AMBRA1: variants seen among roughly 807,000 people sequenced by gnomAD.
AMBRA1 encodes the protein activating molecule in BECN1-regulated autophagy protein 1.
AMBRA1 carries 47 observed loss-of-function variants against 125.4 expected under a neutral mutation model. The ratio of observed to expected loss-of-function variants is 0.37; its 90% CI spans 0.30 to 0.48. The LOEUF is 0.48. Ranked by LOEUF, AMBRA1 falls within the 20% of genes least tolerant of loss-of-function variation. The pLI, the probability that AMBRA1 is intolerant of heterozygous loss-of-function variation, is 0.99. For synonymous variants in AMBRA1, 626 were observed against 655.5 expected (o/e 0.95, Z 0.69); for missense variants, 1,331 against 1,693.4 (o/e 0.79, Z 3.76).
chr11:46,403,161 A>G (rs1027678713), intron 17 of AMBRA1, among the ~76,000 whole-genome samples: 2 of 152,238 alleles, frequency 1.3e-5, no homozygotes, highest in Non-Finnish European at 2.9e-5. Context: ...AGGCCAGGGT[A>G]GGATCAACAA....
chr11:46,542,867 G>T lies in AMBRA1; in HGVS notation c.1150C>A (p.Arg384Ser). 1 of 1,613,430 alleles carries T rather than the reference G, an allele frequency of 6.2e-7. No homozygotes were observed. Among genetic ancestry groups the T allele is most frequent in the South Asian group, 1.1e-5 (1 of 91,052 alleles). ...CGGGTAGGACCCAGACTGAGGTTGC[G>T]GAGCGTGTTGCCGGCAGTGCTGCTC... ...VQSSTAGNTL[R>S]NLSLGPTRRS... The change falls in exon 7 of 18, where the codon CGC becomes AGC. Residue 384 changes from arginine to serine, a missense_variant. Arg to Ser is a moderately radical substitution (Grantham distance 110). Coordinates refer to ENST00000683756, the MANE Select transcript of AMBRA1 (RefSeq NM_001387011.1). The surrounding 1 kb of genome is among the most constrained non-coding windows in gnomAD (Gnocchi z 5.9).
chr11:46,442,964 CG>C (rs1271578414), intron 12 of AMBRA1, among the ~76,000 whole-genome samples: 1 of 152,172 alleles, frequency 6.6e-6, no homozygotes, highest in African/African-American at 2.4e-5. Context: ...TCAAGTGATC[CG>C]CCTGCCTTGG....
chr11:46,461,745 C>T (rs1227459547), intron 11 of AMBRA1, among the ~76,000 whole-genome samples: 1 of 152,184 alleles, frequency 6.6e-6, no homozygotes, highest in Non-Finnish European at 1.5e-5. Flanking sequence ...ATTCTGCAGG[C>T]AGCTATTGAG....
intron 1 of AMBRA1, among the ~76,000 whole-genome samples, chr11:46,592,782 A>T (rs2044653617): frequency 6.6e-6 from 1 of 151,944 alleles, no homozygotes; most frequent in African/African-American, 2.4e-5. Context: ...AAAGAGAGAC[A>T]GACTCCTTGG....
At position 46,507,262 on chromosome 11, in the gene AMBRA1, G is replaced by A. The variant is rs577767664; in HGVS notation, c.2339+929C>T. 1.8e-3 allele frequency among the ~76,000 whole-genome samples: 262 copies of A among 148,612 alleles called. 2 individuals are homozygous for A. The highest frequency in any genetic ancestry group is 0.011 in the Middle Eastern group (3 of 278). ...TGGGAGGCCAAGGCGGGCAGATCAC[G>A]AGGTCAGGAGATCAAGACCACCCTG... On this transcript the variant is annotated intron_variant, in intron 9 of 17. Coordinates refer to ENST00000683756, the MANE Select transcript of AMBRA1 (RefSeq NM_001387011.1).
chr11:46,522,938 C>T (rs956066842), intron 7 of AMBRA1, among the ~76,000 whole-genome samples: 8 of 152,044 alleles, frequency 5.3e-5, no homozygotes, highest in Admixed American at 2.0e-4. Context: ...AATCTTAGGA[C>T]GAATATCAGA....
At position 46,449,978 on chromosome 11, in the gene AMBRA1, GA is replaced by G. The variant is rs550696078; in HGVS notation, c.2522-6381del. On this transcript the variant is annotated intron_variant, in intron 11 of 17. Transcript: ENST00000683756. ...GGAGGCTGAAGCAGGAGAATCGCTT[GA>G]ACACAGTAGGTGGAGCTTGCAGTGA... Among the ~76,000 whole-genome samples the G allele has an allele frequency of 1.5e-3, 230 of 150,274 alleles. 1 individual carries two copies. The highest frequency in any genetic ancestry group is 5.3e-3 in the African/African-American group (215 of 40,850).
At chr11:46,446,177 C>G (rs1948276069) in intron 11 of AMBRA1, among the ~76,000 whole-genome samples, 1 of 152,146 alleles carries the variant, frequency 6.6e-6, no homozygotes, top group Admixed American at 6.5e-5. Context: ...TGAAGCCTGG[C>G]ACCAAGGAGA....
chr11:46,566,823 G>C (rs2043549374), intron 1 of AMBRA1, among the ~76,000 whole-genome samples: 1 of 152,142 alleles, frequency 6.6e-6, no homozygotes, highest in Non-Finnish European at 1.5e-5. Flanking sequence ...TTAGTTTACA[G>C]TTTAAATGAT....
intron 17 of AMBRA1, among the ~76,000 whole-genome samples, chr11:46,405,019 C>G (rs1035490933): frequency 2.0e-5 from 3 of 152,230 alleles, no homozygotes; most frequent in African/African-American, 4.8e-5. Context: ...TTGCCTTCCC[C>G]ACTCATCCAG....
At chr11:46,471,076 A>C (rs1430817746) in intron 11 of AMBRA1, among the ~76,000 whole-genome samples, 1 of 152,226 alleles carries the variant, frequency 6.6e-6, no homozygotes, top group Non-Finnish European at 1.5e-5. Context: ...CTAATAGATG[A>C]GGAGGAAATT....
At position 46,534,264 on chromosome 11, in the gene AMBRA1, G is replaced by A. The variant is rs1024149740; in HGVS notation, c.2072+7681C>T. Among the ~76,000 whole-genome samples the A allele has an allele frequency of 3.3e-5, 5 of 151,532 alleles. No homozygotes were observed. In the South Asian group the frequency reaches 6.3e-4, roughly 19 times the overall value. ...TCCCAGAACTTTGGGAGGCCGAGGC[G>A]GGCGGAGCACCAGAGGTCAGGAGTT... On this transcript the variant is annotated intron_variant, in intron 7 of 17. Coordinates refer to ENST00000683756, the MANE Select transcript of AMBRA1 (RefSeq NM_001387011.1).
chr11:46,432,231 G>C (rs376636604), intron 14 of AMBRA1, among the ~76,000 whole-genome samples: 12 of 152,300 alleles, frequency 7.9e-5, no homozygotes, highest in Non-Finnish European at 4.4e-5. Context: ...ACTGACATGA[G>C]AATGTGTAAG....
intron 1 of AMBRA1, among the ~76,000 whole-genome samples, chr11:46,569,552 A>C (rs2135269487): frequency 6.6e-6 from 1 of 151,764 alleles, no homozygotes; most frequent in East Asian, 1.9e-4. Flanking sequence ...AGGATAGCTG[A>C]GTTAGCCATA....
rs777047702 is a variant in AMBRA1 at position 46,433,529 on chromosome 11, A to G, written c.2921T>C (p.Met974Thr). The G allele has an allele frequency of 5.0e-6, 8 of 1,614,142 alleles. No homozygotes were observed. Among genetic ancestry groups the G allele is most frequent in the Non-Finnish European group, 6.8e-6 (8 of 1,179,978 alleles). Residue 974 changes from methionine (M) to threonine (T), a missense_variant, in exon 14 of 18, where the codon ATG (methionine) becomes ACG (threonine). This residue lies in a region of AMBRA1 where 354 missense variants were observed against 532.7 expected (regional missense o/e 0.66). Coordinates refer to ENST00000683756, the MANE Select transcript of AMBRA1 (RefSeq NM_001387011.1). Reference protein sequence around the residue: ...RILLHPSTEHMVAQVFRLQQA... With the variant: ...RILLHPSTEHTVAQVFRLQQA... ...TTGCAGCCTGAAGACCTGGGCCACC[A>G]TGTGCTCTGTGGAGGGGTGCAGCAG...
intron 16 of AMBRA1, among the ~76,000 whole-genome samples, 169 bp from the exon 17 acceptor site, chr11:46,408,875 T>C (rs555369613): frequency 3.9e-5 from 6 of 152,370 alleles, no homozygotes; most frequent in Admixed American, 3.3e-4. Context: ...CTTGTCTGTG[T>C]CCATTCTCCC....
rs528970107 is a variant in AMBRA1, at chr11:46,538,861, TATC to T, written c.2072+3081_2072+3083del. On this transcript the variant is annotated intron_variant, in intron 7 of 17. Coordinates refer to ENST00000683756, the MANE Select transcript of AMBRA1 (RefSeq NM_001387011.1). ...GATTAATAATATTTTAGATGTATAA[TATC>T]ATAGCCATTAGTCACATGTGATTAT... Among the ~76,000 whole-genome samples, 319 of 152,340 alleles carry T rather than the reference TATC, an allele frequency of 2.1e-3. 1 individual carries two copies. Among genetic ancestry groups the T allele is most frequent in the Non-Finnish European group, 3.1e-3 (212 of 68,034 alleles).
intron 11 of AMBRA1, among the ~76,000 whole-genome samples, chr11:46,459,301 T>C (rs1197733469): frequency 6.6e-6 from 1 of 152,122 alleles, no homozygotes; most frequent in Non-Finnish European, 1.5e-5. Flanking sequence ...CTTTGGAGAA[T>C]GGGGTTGGAA....
chr11:46,412,692 C>T (rs1011258081), intron 15 of AMBRA1, among the ~76,000 whole-genome samples: 4 of 152,120 alleles, frequency 2.6e-5, no homozygotes, highest in African/African-American at 9.7e-5. Flanking sequence ...CAAGGGCCAA[C>T]TGTTTATCCT....
Sources: gnomAD v4.1 joint callset for allele counts (sites outside exome capture counted in the v4.1 genomes callset) on GRCh38, gnomAD v4.1.1 for gene constraint, gnomAD v4.1.1 regional missense constraint, Gnocchi (gnomAD v3.1) non-coding constraint, MANE v1.5 for transcripts, NCBI Gene and HGNC (gene_info 2026-07-23, HGNC 2026-07-21) for gene names.